Variants in PCDHGB5 observed in about 807,000 individuals in gnomAD.
The protein encoded by PCDHGB5 is protocadherin gamma-B5.
Under a neutral mutation model 62.9 loss-of-function variants are expected in PCDHGB5, and 48 were observed. The ratio of observed to expected loss-of-function variants is 0.76; its 90% CI spans 0.61 to 0.97. PCDHGB5 has a LOEUF of 0.97. Among genes scored for constraint, PCDHGB5 ranks in the 50% least tolerant of loss-of-function variants. The probability of loss-of-function intolerance (pLI) is 0.00; values close to 1 mark genes in which losing one functional copy is unlikely to be tolerated. For synonymous variants in PCDHGB5, 474 were observed against 511.2 expected (o/e 0.93, Z 0.98); for missense variants, 1,118 against 1,198.6 (o/e 0.93, Z 0.99).
chr5:141,466,099 G>A (rs879849411), intron 1 of PCDHGB5, among the ~76,000 whole-genome samples: 2 of 151,938 alleles, frequency 1.3e-5, no homozygotes, highest in Non-Finnish European at 2.9e-5. Context: ...TCCAGCCTGG[G>A]CAACAGAGTG....
intron 1 of PCDHGB5, chr5:141,409,951 G>T: frequency 6.2e-7 from 1 of 1,613,374 alleles, no homozygotes; most frequent in Non-Finnish European, 8.5e-7. Context: ...GCTCTGCAGA[G>T]CCCGGCTACC....
At position 141,399,957 on chromosome 5, in the gene PCDHGB5, C is replaced by T; in HGVS notation, c.1830C>T (p.Pro610=). 5 of 1,612,212 alleles carry T rather than the reference C, an allele frequency of 3.1e-6. No individual in the cohort carries two copies. The highest frequency in any genetic ancestry group is 1.1e-5 in the South Asian group (1 of 91,016). ...ACCACGTGCTGCAGGCTAGCGAGCCCGGGCTCTTCAGCCTGGGGCTGCGCA... is the reference window on the plus strand; with the variant it reads ...ACCACGTGCTGCAGGCTAGCGAGCCTGGGCTCTTCAGCCTGGGGCTGCGCA... The part of the protein sequence containing the change: ...LSYHVLQASE[P]GLFSLGLRTG... Residue 610 remains proline, a synonymous_variant, in exon 1 of 4, where the codon CCC becomes CCT. Coordinates refer to ENST00000617380, the MANE Select transcript of PCDHGB5 (RefSeq NM_018925.3).
intron 1 of PCDHGB5, among the ~76,000 whole-genome samples, chr5:141,402,769 C>T (rs1404796973): frequency 6.6e-6 from 1 of 152,196 alleles, no homozygotes; most frequent in Non-Finnish European, 1.5e-5. Context: ...GGACTCCATC[C>T]GGATTTCCAG....
rs1176011355 is a variant in PCDHGB5, at chr5:141,485,491, G to C, written c.2398-9316G>C. Reference sequence around the variant, plus strand: ...TCAGTGCCAGCTGCATCGTGCCCCTGGAGTTTGTCACCGAAGGTCCTTTGG... The same window carrying C: ...TCAGTGCCAGCTGCATCGTGCCCCTCGAGTTTGTCACCGAAGGTCCTTTGG... On this transcript the variant is annotated intron_variant, in intron 1 of 3. Coordinates refer to ENST00000617380, the MANE Select transcript of PCDHGB5 (RefSeq NM_018925.3). This position sits in a 1 kb window ranked among gnomAD's most constrained non-coding sequence, Gnocchi z 5.7. 6.2e-7 allele frequency: 1 copy of C among 1,614,142 alleles called. No homozygotes were observed. The highest frequency in any genetic ancestry group is 1.3e-5 in the African/African-American group (1 of 75,018).
rs779065098 is a variant in PCDHGB5, at chr5:141,491,758, C to G, written c.2398-3049C>G. The G allele has an allele frequency of 1.9e-6, 3 of 1,578,788 alleles. No individual in the cohort carries two copies. The highest frequency in any genetic ancestry group is 1.7e-4 in the Middle Eastern group (1 of 5,954). ...TGGGGGCGGCACTGGAGAAGCCGCCCGTCCTCATAAGGGATTGAACTTGCA... is the reference window on the plus strand; with the variant it reads ...TGGGGGCGGCACTGGAGAAGCCGCCGGTCCTCATAAGGGATTGAACTTGCA... On this transcript the variant is annotated intron_variant, in intron 1 of 3. Transcript: ENST00000617380. This position sits in a 1 kb window ranked among gnomAD's most constrained non-coding sequence, Gnocchi z 6.9.
chr5:141,403,532 C>T (rs1313886103), intron 1 of PCDHGB5: 2 of 1,613,892 alleles, frequency 1.2e-6, no homozygotes, highest in African/African-American at 2.7e-5. Context: ...AAACCCAGAG[C>T]TGGTGCTGGA....
intron 1 of PCDHGB5, chr5:141,414,158 G>A (rs1167529832): frequency 6.2e-7 from 1 of 1,602,572 alleles, no homozygotes; most frequent in Non-Finnish European, 8.5e-7. Flanking sequence ...GCAGAAGATG[G>A]AGGAGCATAT....
chr5:141,450,893 C>T (rs1306212499), intron 1 of PCDHGB5, among the ~76,000 whole-genome samples: 3 of 149,144 alleles, frequency 2.0e-5, no homozygotes, highest in East Asian at 2.0e-4. Flanking sequence ...GGTGCGATAT[C>T]GGCTCACTGC....
intron 1 of PCDHGB5, chr5:141,492,036 T>A: frequency 1.9e-6 from 1 of 536,866 alleles, no homozygotes; most frequent in Non-Finnish European, 3.2e-6. Flanking sequence ...GAGGAGGCAG[T>A]CACAGATCCA....
At chr5:141,463,493 G>C (rs2099061978) in intron 1 of PCDHGB5, among the ~76,000 whole-genome samples, 1 of 128,844 alleles carries the variant, frequency 7.8e-6, no homozygotes, top group Admixed American at 9.6e-5. Flanking sequence ...CTGTCACCCA[G>C]GCTGGAGTGA....
rs2233613 is a variant in PCDHGB5 at position 141,511,203 on chromosome 5, G to A, written c.*30G>A. 0.14 allele frequency: 222,603 copies of A among 1,611,360 alleles called. 15,640 individuals carry two copies. The highest frequency in any genetic ancestry group is 0.18 in the Admixed American group (10,873 of 59,374). ...GAGGCCAGGCCAAGAGCCACAGGGC[G>A]GCCTCTCCCCAACCAGCCCAGCTTC... On this transcript the variant is annotated 3_prime_UTR_variant, in exon 4 of 4. Transcript: ENST00000617380.
intron 3 of PCDHGB5, among the ~76,000 whole-genome samples, chr5:141,509,362 G>C (rs2099876497): frequency 6.6e-6 from 1 of 152,152 alleles, no homozygotes; most frequent in Non-Finnish European, 1.5e-5. Flanking sequence ...GCATCCCTGA[G>C]GTTTTAACTG....
intron 1 of PCDHGB5, chr5:141,441,209 G>A (rs1276958461): frequency 1.3e-5 from 2 of 152,158 alleles, no homozygotes; most frequent in East Asian, 3.9e-4. Flanking sequence ...TCTGCACCTT[G>A]GACAGTAATC....
At chr5:141,497,503 C>CTGCTTCCT (rs1042765123) in intron 2 of PCDHGB5, among the ~76,000 whole-genome samples, 57 of 151,054 alleles carry the variant, frequency 3.8e-4, no homozygotes, top group African/African-American at 1.4e-3. Flanking sequence ...TCTCCTCTCT[C>CTGCTTCCT]TGCTTCCTTA....
chr5:141,485,095 TC>T lies in PCDHGB5; in HGVS notation c.2398-9710del, dbSNP rs1040164730. ...GCGCGGGGAAAGGGAGATAGGTGTCTCCAGCTGCTGTGGCTGTTTGGGGCGG... is the reference window on the plus strand; with the variant it reads ...GCGCGGGGAAAGGGAGATAGGTGTCTCAGCTGCTGTGGCTGTTTGGGGCGG... On this transcript the variant is annotated intron_variant, in intron 1 of 3. Coordinates refer to ENST00000617380, the MANE Select transcript of PCDHGB5 (RefSeq NM_018925.3). This position sits in a 1 kb window ranked among gnomAD's most constrained non-coding sequence, Gnocchi z 5.7. 6.8e-5 allele frequency: 76 copies of T among 1,115,798 alleles called. No homozygotes were observed. Among genetic ancestry groups the T allele is most frequent in the South Asian group, 4.6e-4 (33 of 71,042 alleles). The allele number at this position is 1,115,798 out of a possible 1,614,324, so 69.1% of individuals were successfully genotyped here. A position where few individuals can be genotyped will look rare whatever the true frequency, so the allele number is the denominator to read the frequency against.
chr5:141,485,539 G>C lies in PCDHGB5; in HGVS notation c.2398-9268G>C, dbSNP rs370323886. The C allele has an allele frequency of 9.9e-6, 16 of 1,613,986 alleles. No homozygotes were observed. In the African/African-American group the frequency reaches 2.0e-4, roughly 20 times the overall value. On this transcript the variant is annotated intron_variant, in intron 1 of 3. Transcript: ENST00000617380. This position sits in a 1 kb window ranked among gnomAD's most constrained non-coding sequence, Gnocchi z 5.7. ...TGGAAATGTACCGAGCAGAGGTAGA[G>C]ATCGTAGATGTGAATGATCACGCCC... is the stretch of plus-strand genomic sequence containing the variant.
At chr5:141,503,607 A>G (rs141670522) in intron 2 of PCDHGB5, among the ~76,000 whole-genome samples, 63 of 151,996 alleles carry the variant, frequency 4.1e-4, no homozygotes, top group African/African-American at 1.4e-3. Flanking sequence ...TCAAAAAAAA[A>G]AAAAAAAGAA....
rs766164142 is a variant in PCDHGB5, at chr5:141,477,910, G to T, written c.2398-16897G>T. ...TGTCACGGGTGGTAGGCTGGGACGC[G>T]GATGCAGGGCACAATGCCTGGCTCT... On this transcript the variant is annotated intron_variant, in intron 1 of 3. Transcript: ENST00000617380. This position sits in a 1 kb window ranked among gnomAD's most constrained non-coding sequence, Gnocchi z 4.9. The T allele has an allele frequency of 6.2e-7, 1 of 1,614,048 alleles. No individual in the cohort carries two copies. Among genetic ancestry groups the T allele is most frequent in the African/African-American group, 1.3e-5 (1 of 74,932 alleles).
chr5:141,448,232 T>A (rs917554207), intron 1 of PCDHGB5, among the ~76,000 whole-genome samples: 1 of 152,094 alleles, frequency 6.6e-6, no homozygotes, highest in Admixed American at 6.6e-5. Context: ...ATGTGTGGGG[T>A]TTTCTTTGCA....
Sources: gnomAD v4.1 joint callset for allele counts (sites outside exome capture counted in the v4.1 genomes callset) on GRCh38, gnomAD v4.1.1 for gene constraint, Gnocchi (gnomAD v3.1) non-coding constraint, MANE v1.5 for transcripts, NCBI Gene and HGNC (gene_info 2026-07-23, HGNC 2026-07-21) for gene names.